Variants in YEATS2 observed in about 807,000 individuals in gnomAD.
YEATS2 encodes the protein YEATS domain-containing protein 2.
A neutral mutation model predicts 163.2 loss-of-function variants in YEATS2; 77 were observed. That is an observed-to-expected ratio of 0.47 (90% CI 0.39 to 0.57). YEATS2 has a LOEUF of 0.57. Among genes scored for constraint, YEATS2 ranks in the 20% least tolerant of loss-of-function variants. The pLI is 0.00. For synonymous variants in YEATS2, 631 were observed against 645.1 expected (o/e 0.98, Z 0.33); for missense variants, 1,549 against 1,729.8 (o/e 0.90, Z 1.85).
intron 4 of YEATS2, among the ~76,000 whole-genome samples, chr3:183,721,536 C>A (rs1260411478): frequency 1.3e-5 from 2 of 152,032 alleles, no homozygotes; most frequent in Admixed American, 6.6e-5. Context: ...TTTTATATTT[C>A]TTTCAGGGAT....
chr3:183,776,467 C>A (rs571918637), intron 18 of YEATS2, among the ~76,000 whole-genome samples: 1 of 152,228 alleles, frequency 6.6e-6, no homozygotes, highest in East Asian at 1.9e-4. Context: ...TTGCTTGAAC[C>A]TGGGAGGTTG....
In YEATS2 at chr3:183,697,875, G is replaced by GGGTCGCTGGGGCCTTGTGGC. The variant is rs1713635018; in HGVS notation, c.-135_-116dup. 6.6e-6 allele frequency: 1 copy of GGGTCGCTGGGGCCTTGTGGC among 151,366 alleles called. No homozygotes were observed. Among genetic ancestry groups the GGGTCGCTGGGGCCTTGTGGC allele is most frequent in the South Asian group, 2.1e-4 (1 of 4,832 alleles). 9.4% of individuals were successfully genotyped at this position (151,366 alleles called of 1,614,324 possible). A position where few individuals can be genotyped will look rare whatever the true frequency, so the allele number is the denominator to read the frequency against. Reference sequence around the variant, plus strand: ...CGCCGTGTGCTTCCGCAGGTTGCGGGGGTCGCTGGGGCCTTGTGGCGGGGC... The same window carrying GGGTCGCTGGGGCCTTGTGGC: ...CGCCGTGTGCTTCCGCAGGTTGCGGGGGTCGCTGGGGCCTTGTGGCGGTCGCTGGGGCCTTGTGGCGGGGC... On this transcript the variant is annotated 5_prime_UTR_variant, in exon 1 of 31. Transcript: ENST00000305135.
In YEATS2 at chr3:183,772,432, T is replaced by G. The variant is rs1380734387; in HGVS notation, c.2075T>G (p.Val692Gly). 18 of 1,614,020 alleles carry G rather than the reference T, an allele frequency of 1.1e-5. No homozygotes were observed. The highest frequency in any genetic ancestry group is 1.5e-5 in the Non-Finnish European group (18 of 1,180,028). ...SVSKAVGPKQVVTQGVAKAIV... is the reference protein window; with the variant it reads ...SVSKAVGPKQGVTQGVAKAIV... ...TCCAAAGCAGTTGGGCCAAAGCAAGTTGTAACCCAAGGAGTTGCCAAAGCA... is the reference window on the plus strand; with the variant it reads ...TCCAAAGCAGTTGGGCCAAAGCAAGGTGTAACCCAAGGAGTTGCCAAAGCA... The change falls in exon 16 of 31, where the codon GTT becomes GGT. Residue 692 changes from valine to glycine, a missense_variant. Transcript: ENST00000305135.
intron 1 of YEATS2, among the ~76,000 whole-genome samples, chr3:183,712,021 T>C (rs1217784037): frequency 6.6e-6 from 1 of 151,524 alleles, no homozygotes; most frequent in African/African-American, 2.4e-5. Flanking sequence ...ATTTTCACCA[T>C]GTTGGCTAGG....
At chr3:183,772,210 T>C in intron 15 of YEATS2, 95 bp from the exon 16 acceptor site, 1 of 1,540,994 alleles carries the variant, frequency 6.5e-7, no homozygotes, top group Non-Finnish European at 8.9e-7. Context: ...GCTGCATGTA[T>C]TATGTGCAGG....
At chr3:183,761,198 C>T (rs914465723) in intron 13 of YEATS2, among the ~76,000 whole-genome samples, 1 of 151,968 alleles carries the variant, frequency 6.6e-6, no homozygotes, top group Non-Finnish European at 1.5e-5. Flanking sequence ...AGTGATTCTA[C>T]TGCCTCAGCC....
At chr3:183,770,681 C>T (rs542536812) in intron 15 of YEATS2, among the ~76,000 whole-genome samples, 1 of 152,260 alleles carries the variant, frequency 6.6e-6, no homozygotes, top group Non-Finnish European at 1.5e-5. Context: ...CCACTCCATG[C>T]GCTTATTACA....
chr3:183,787,401 G>A (rs561658486), intron 20 of YEATS2, among the ~76,000 whole-genome samples: 1 of 151,912 alleles, frequency 6.6e-6, no homozygotes, highest in South Asian at 2.1e-4. Context: ...TTTAATTATA[G>A]CTATTGTAGT....
At chr3:183,785,414 G>A (rs263018) in intron 19 of YEATS2, among the ~76,000 whole-genome samples, 108,833 of 150,388 alleles carry the variant, frequency 0.72, 40,611 homozygotes, top group East Asian at 0.96. Flanking sequence ...ACTTGAACCC[G>A]GGAGGCGGAG....
At chr3:183,810,390 G>T in intron 30 of YEATS2, 85 bp from the exon 31 acceptor site, 1 of 1,255,198 alleles carries the variant, frequency 8.0e-7, no homozygotes, top group Non-Finnish European at 1.1e-6. Context: ...TGCCTGGGAT[G>T]GTCCCTGTGA....
intron 1 of YEATS2, among the ~76,000 whole-genome samples, chr3:183,701,387 T>C (rs962069553): frequency 6.6e-5 from 10 of 150,820 alleles, no homozygotes; most frequent in African/African-American, 2.4e-4. Context: ...GCCCGGCCGG[T>C]CAATATATAT....
intron 1 of YEATS2, among the ~76,000 whole-genome samples, chr3:183,709,675 ATTTT>A (rs774989436): frequency 3.2e-5 from 4 of 125,160 alleles, no homozygotes; most frequent in Admixed American, 8.4e-5. Context: ...AATGAGATAA[ATTTT>A]TTTTTTTTTT....
At chr3:183,748,712 A>T (rs1719832318) in intron 9 of YEATS2, among the ~76,000 whole-genome samples, 1 of 148,420 alleles carries the variant, frequency 6.7e-6, no homozygotes, top group South Asian at 2.2e-4. Flanking sequence ...CCATTCTCCC[A>T]CCTCAGCCTC....
intron 15 of YEATS2, among the ~76,000 whole-genome samples, chr3:183,765,597 GCTGT>G (rs1256011948): frequency 6.6e-6 from 1 of 152,202 alleles, no homozygotes; most frequent in African/African-American, 2.4e-5. Context: ...GAGATAAGGA[GCTGT>G]CTGTGAGTAC....
intron 21 of YEATS2, chr3:183,793,579 G>A: frequency 3.7e-6 from 1 of 272,322 alleles, no homozygotes; most frequent in Non-Finnish European, 5.6e-6. Flanking sequence ...TGCTGCTGAT[G>A]GAACTTTCTG....
chr3:183,800,900 A>C, intron 24 of YEATS2: 1 of 222,870 alleles, frequency 4.5e-6, no homozygotes. Context: ...AGGTGTGTAC[A>C]CGCTTTGTGA....
rs1455241764 is a variant in YEATS2 at position 183,736,819 on chromosome 3, A to G, written c.914A>G (p.His305Arg). Residue 305 changes from histidine (H) to arginine (R), a missense_variant, in exon 8 of 31, where the codon CAT becomes CGT. Transcript: ENST00000305135. ...CAGAACAAGCGGATAGATATCATAC[A>G]TAATCTGAAGGTATTGTAACAAAAC... is the stretch of plus-strand genomic sequence containing the variant. ...DSQNKRIDII[H>R]NLKLDRTYTG... 1 of 1,612,492 alleles carries G rather than the reference A, an allele frequency of 6.2e-7. No homozygotes were observed. The highest frequency in any genetic ancestry group is 1.7e-5 in the Admixed American group (1 of 59,716).
At chr3:183,802,913 AAGTG>A (rs1044344222) in intron 25 of YEATS2, 8 of 210,178 alleles carry the variant, frequency 3.8e-5, no homozygotes, top group African/African-American at 1.8e-4. Flanking sequence ...CTGGGTGACA[AAGTG>A]AGACACCATC....
intron 1 of YEATS2, among the ~76,000 whole-genome samples, chr3:183,700,562 G>T: frequency 6.6e-6 from 1 of 150,408 alleles, no homozygotes; most frequent in African/African-American, 2.4e-5. Context: ...AACAAGACTT[G>T]TGAAGCAGAT....
Sources: gnomAD v4.1 joint callset for allele counts (sites outside exome capture counted in the v4.1 genomes callset) on GRCh38, gnomAD v4.1.1 for gene constraint, MANE v1.5 for transcripts, NCBI Gene and HGNC (gene_info 2026-07-23, HGNC 2026-07-21) for gene names.